ITGAE: variants seen among roughly 807,000 people sequenced by gnomAD.
ITGAE encodes integrin subunit alpha E, also known as integrin alpha-E.
A neutral mutation model predicts 136.5 loss-of-function variants in ITGAE; 99 were observed. The observed-to-expected ratio is 0.73, with a 90% CI of 0.62 to 0.86. The LOEUF (loss-of-function observed/expected upper bound fraction) is 0.86, where lower values mean the gene tolerates loss of function less well. Ranked by LOEUF, ITGAE falls within the 40% of genes least tolerant of loss-of-function variation. ITGAE has a pLI of 0.00. For synonymous variants in ITGAE, 613 were observed against 591.8 expected (o/e 1.04, Z -0.52); for missense variants, 1,447 against 1,515.3 (o/e 0.95, Z 0.75).
intron 2 of ITGAE, among the ~76,000 whole-genome samples, chr17:3,776,988 T>A (rs1293969554): frequency 1.4e-5 from 2 of 144,516 alleles, no homozygotes; most frequent in African/African-American, 5.2e-5. Flanking sequence ...TGAGACGGAG[T>A]CTCGCTCTGT....
rs769231166 is a variant in ITGAE, at chr17:3,755,156, C to T, written c.1345G>A (p.Ala449Thr). The change falls in exon 12 of 31, where the codon GCG (alanine) becomes ACG (threonine). Residue 449 changes from alanine to threonine, a missense_variant. Ala to Thr is a moderately conservative substitution (Grantham distance 58). Coordinates refer to ENST00000263087, the MANE Select transcript of ITGAE (RefSeq NM_002208.5). ...TGCGCAGCCTCCGCGTCTGCCGCCG[C>T]CGCCGCTGTCTGGTTCAGGAAGCGG... ...RGRFLNQTAA[A>T]AADAEAAQYS... 2.7e-5 allele frequency: 43 copies of T among 1,577,744 alleles called. No individual in the cohort carries two copies. The highest frequency in any genetic ancestry group is 3.6e-5 in the Non-Finnish European group (42 of 1,164,902).
chr17:3,800,059 T>C (rs1053244404), intron 1 of ITGAE, among the ~76,000 whole-genome samples: 4 of 152,148 alleles, frequency 2.6e-5, no homozygotes, highest in African/African-American at 9.7e-5. Context: ...GCAGAAGTTA[T>C]GGTGAGCCAA....
chr17:3,793,158 T>C (rs1367424001), intron 1 of ITGAE, among the ~76,000 whole-genome samples: 1 of 152,054 alleles, frequency 6.6e-6, no homozygotes, highest in Admixed American at 6.5e-5. Context: ...GTTCAAGCGA[T>C]TCTCCTGCCT....
chr17:3,780,672 A>T (rs1472405917), intron 1 of ITGAE, among the ~76,000 whole-genome samples: 1 of 152,052 alleles, frequency 6.6e-6, no homozygotes, highest in Non-Finnish European at 1.5e-5. Flanking sequence ...ACTTCAGATG[A>T]TCCGCCCGCC....
chr17:3,757,806 A>G lies in ITGAE; in HGVS notation c.920T>C (p.Met307Thr), dbSNP rs747710634. 13 of 1,614,140 alleles carry G rather than the reference A, an allele frequency of 8.1e-6. No individual in the cohort carries two copies. In the South Asian group the frequency reaches 1.2e-4, roughly 15 times the overall value. Residue 307 changes from methionine to threonine, a missense_variant, in exon 9 of 31, where the codon ATG becomes ACG. Physicochemically the swap from Met to Thr is moderately conservative, Grantham distance 81 (BLOSUM62 -1). Transcript: ENST00000263087. ...TATGCCACCATCGGTGAGCACCACC[A>G]TGACCTTGGATGCCTTTCTCCTGGA... ...HGSRRKASKV[M>T]VVLTDGGIFE... is the part of the protein sequence containing the mutation.
In ITGAE at chr17:3,732,409, T is replaced by C. The variant is rs754910343; in HGVS notation, c.2713A>G (p.Met905Val). 44 of 1,614,028 alleles carry C rather than the reference T, an allele frequency of 2.7e-5. No individual in the cohort carries two copies. Among genetic ancestry groups the C allele is most frequent in the Admixed American group, 5.0e-5 (3 of 59,988 alleles). Residue 905 changes from methionine (M) to valine (V), a missense_variant, in exon 22 of 31, where the codon ATG (methionine) becomes GTG (valine). Coordinates refer to ENST00000263087, the MANE Select transcript of ITGAE (RefSeq NM_002208.5). ...DPQPVASVLI[M>V]NCRIGHPVLK... ...ACGGGGTGACCAATCCTGCAGTTCA[T>C]GATCAGGACAGAAGCAACCGGCTGA...
chr17:3,747,270 C>T (rs1197424697), intron 17 of ITGAE, among the ~76,000 whole-genome samples: 14 of 151,848 alleles, frequency 9.2e-5, no homozygotes, highest in African/African-American at 3.4e-4. Context: ...CAGAAGCCCC[C>T]GCACACACGC....
chr17:3,761,875 G>C (rs759776236), intron 4 of ITGAE, 40 bp downstream of exon 4: 4 of 1,568,346 alleles, frequency 2.6e-6, no homozygotes, highest in Non-Finnish European at 2.6e-6. Context: ...GCTAGCACCA[G>C]CCTCCCTAAG....
intron 24 of ITGAE, 74 bp from the exon 25 acceptor site, chr17:3,728,242 T>C: frequency 8.6e-7 from 1 of 1,159,550 alleles, no homozygotes; most frequent in Non-Finnish European, 1.3e-6. Context: ...CTCACTCTGT[T>C]GCCCAGGCTA....
intron 19 of ITGAE, among the ~76,000 whole-genome samples, chr17:3,743,066 C>T (rs1267438122): frequency 6.6e-6 from 1 of 152,370 alleles, no homozygotes; most frequent in African/African-American, 2.4e-5. Flanking sequence ...CCTGGCAGGG[C>T]ATGAACAGGC....
At chr17:3,725,055 C>T in intron 26 of ITGAE, 1 of 1,614,242 alleles carries the variant, frequency 6.2e-7, no homozygotes, top group Non-Finnish European at 8.5e-7. Flanking sequence ...GGACCTGACT[C>T]CTTTACAGAA....
chr17:3,779,784 T>C (rs1261640095), intron 1 of ITGAE, among the ~76,000 whole-genome samples: 1 of 152,224 alleles, frequency 6.6e-6, no homozygotes, highest in Non-Finnish European at 1.5e-5. Context: ...CTTTTCTATA[T>C]ATTTGAAATT....
intron 18 of ITGAE, among the ~76,000 whole-genome samples, chr17:3,745,429 T>C (rs1340867140): frequency 2.0e-5 from 3 of 152,066 alleles, no homozygotes; most frequent in Non-Finnish European, 4.4e-5. Context: ...GCAACCTCCC[T>C]CCCCTGGATT....
rs574615763 is a variant in ITGAE, at chr17:3,772,612, C to T, written c.155+4928G>A. Among the ~76,000 whole-genome samples, 584 of 152,124 alleles carry T rather than the reference C, an allele frequency of 3.8e-3. 6 individuals are homozygous for T. Among genetic ancestry groups the T allele is most frequent in the African/African-American group, 0.012 (495 of 41,514 alleles). ...CCAAGCAGCTGGGACTACAGGTGCG[C>T]GCCACCACGCCCAGATAATTTTTGT... On this transcript the variant is annotated intron_variant, in intron 2 of 30. Coordinates refer to ENST00000263087, the MANE Select transcript of ITGAE (RefSeq NM_002208.5).
At chr17:3,747,559 T>G (rs2051747129) in intron 17 of ITGAE, among the ~76,000 whole-genome samples, 1 of 152,144 alleles carries the variant, frequency 6.6e-6, no homozygotes. Flanking sequence ...TCTGCCCGCC[T>G]TGGCCTCCCA....
At chr17:3,716,266 T>C (rs567311856) in intron 30 of ITGAE, among the ~76,000 whole-genome samples, 2 of 124,438 alleles carry the variant, frequency 1.6e-5, no homozygotes, top group Admixed American at 7.5e-5. Context: ...AGTTTGCACA[T>C]TAAGACAGGG....
At chr17:3,730,971 C>T in intron 23 of ITGAE, 133 bp downstream of exon 23, 2 of 627,188 alleles carry the variant, frequency 3.2e-6, no homozygotes, top group Non-Finnish European at 2.9e-6. Flanking sequence ...GAAACAGATG[C>T]CTTCTGTGGG....
intron 15 of ITGAE, among the ~76,000 whole-genome samples, chr17:3,750,921 G>A (rs529420882): frequency 1.3e-5 from 2 of 152,084 alleles, no homozygotes; most frequent in Non-Finnish European, 1.5e-5. Context: ...GAGGAAGCTG[G>A]GTGGGCTGGG....
At chr17:3,729,978 G>C (rs765278925) in intron 23 of ITGAE, among the ~76,000 whole-genome samples, 4 of 152,184 alleles carry the variant, frequency 2.6e-5, no homozygotes, top group Non-Finnish European at 4.4e-5. Context: ...TGCTGCAGCT[G>C]TCAACCCAGC....
Sources: allele counts gnomAD v4.1 joint callset (sites outside exome capture counted in the v4.1 genomes callset), GRCh38; gene constraint gnomAD v4.1.1; transcripts MANE v1.5; gene names NCBI Gene and HGNC (gene_info 2026-07-23, HGNC 2026-07-21).